The following SLC15A1 variants were observed in gnomAD, a reference collection of about 807,000 sequenced individuals.
The protein encoded by SLC15A1 is solute carrier family 15 member 1, also known as Caco-2 oligopeptide transporter.
In SLC15A1, 83 loss-of-function variants were observed where a neutral mutation model predicts 92.9. That is an observed-to-expected ratio of 0.89 (90% CI 0.75 to 1.07). The LOEUF is 1.07. SLC15A1 is among the 50% of genes least tolerant of loss of function. The probability of loss-of-function intolerance (pLI) is 0.00; values close to 1 mark genes in which losing one functional copy is unlikely to be tolerated. For synonymous variants in SLC15A1, 322 were observed against 318.2 expected (o/e 1.01, Z -0.13); for missense variants, 857 against 880.1 (o/e 0.97, Z 0.33).
chr13:98,725,456 G>A (rs1245550407), intron 4 of SLC15A1, among the ~76,000 whole-genome samples: 2 of 152,100 alleles, frequency 1.3e-5, no homozygotes, highest in Non-Finnish European at 2.9e-5. Context: ...CTCAAGCAGC[G>A]TGAGCCCCTC....
At chr13:98,750,593 T>G (rs1026791498) in intron 1 of SLC15A1, among the ~76,000 whole-genome samples, 3 of 152,152 alleles carry the variant, frequency 2.0e-5, no homozygotes, top group Admixed American at 6.6e-5. Flanking sequence ...GAAAATTTGC[T>G]CCAATTACAG....
chr13:98,748,881 C>G (rs1200527846), intron 1 of SLC15A1, among the ~76,000 whole-genome samples: 1 of 152,226 alleles, frequency 6.6e-6, no homozygotes. Context: ...TGCATGAGCT[C>G]TACCCTGCAC....
chr13:98,750,754 C>CT (rs375828538), intron 1 of SLC15A1, among the ~76,000 whole-genome samples: 2,639 of 141,738 alleles, frequency 0.019, 29 homozygotes, highest in Middle Eastern at 0.066. Flanking sequence ...AAGATCTGTT[C>CT]TTTTTTTTTT....
chr13:98,731,309 G>A (rs1297998977), intron 1 of SLC15A1, among the ~76,000 whole-genome samples: 1 of 152,222 alleles, frequency 6.6e-6, no homozygotes, highest in Non-Finnish European at 1.5e-5. Flanking sequence ...GCCAGTGTCC[G>A]GCGAATAGGA....
At chr13:98,752,441 G>C (rs915734669) in intron 1 of SLC15A1, among the ~76,000 whole-genome samples, 154 bp downstream of exon 1, 1 of 151,986 alleles carries the variant, frequency 6.6e-6, no homozygotes, top group Non-Finnish European at 1.5e-5. Flanking sequence ...AGGGGATCCC[G>C]GGCGCCCCGC....
chr13:98,696,593 C>T (rs1359508136), intron 18 of SLC15A1, among the ~76,000 whole-genome samples: 1 of 152,182 alleles, frequency 6.6e-6, no homozygotes, highest in Non-Finnish European at 1.5e-5. Context: ...TCCAGAGGTG[C>T]TTCCAGCTCA....
At chr13:98,743,289 C>A (rs1182022694) in intron 1 of SLC15A1, among the ~76,000 whole-genome samples, 2 of 152,180 alleles carry the variant, frequency 1.3e-5, no homozygotes. Flanking sequence ...GTTCAGATAT[C>A]CTCCTAGCTT....
intron 9 of SLC15A1, 28 bp downstream of exon 9, chr13:98,715,850 C>T (rs1450305167): frequency 1.5e-5 from 24 of 1,596,908 alleles, no homozygotes; most frequent in Non-Finnish European, 2.1e-5. Flanking sequence ...GTTAAATAGC[C>T]TTGAGAAAGA....
Position 98,687,689 on chromosome 13 carries a change from A to G in SLC15A1, c.1719T>C (p.Asp573=). The stretch of plus-strand genomic sequence containing the variant: ...CCATGTTAACTGTGTTGGCTGAAAT[A>G]TCTTCAAACACCTTCACTTCAGGGC... ...DSCPEVKVFE[D]ISANTVNMAL... Residue 573 remains aspartate (D), a synonymous_variant, in exon 21 of 23, where the codon GAT becomes GAC. Coordinates refer to ENST00000376503, the MANE Select transcript of SLC15A1 (RefSeq NM_005073.4). The G allele has an allele frequency of 6.2e-7, 1 of 1,614,206 alleles. No homozygotes were observed.
rs1340521628 is a variant in SLC15A1 at position 98,715,913 on chromosome 13, C to T, written c.688G>A (p.Gly230Ser). The T allele has an allele frequency of 1.2e-6, 2 of 1,613,990 alleles. No individual in the cohort carries two copies. Among genetic ancestry groups the T allele is most frequent in the Non-Finnish European group, 1.7e-6 (2 of 1,180,038 alleles). ...SGMYKKFKPQ[G>S]NIMGKVAKCI... ...TTGGCCACTTTACCCATGATGTTGC[C>T]CTGTGGCTTGAACTTCTTGTACATC... Residue 230 changes from glycine to serine, a missense_variant, in exon 9 of 23, where the codon GGC (glycine) becomes AGC (serine). Coordinates refer to ENST00000376503, the MANE Select transcript of SLC15A1 (RefSeq NM_005073.4).
chr13:98,703,749 G>T (rs1172916471), intron 17 of SLC15A1, among the ~76,000 whole-genome samples: 1 of 151,416 alleles, frequency 6.6e-6, no homozygotes, highest in African/African-American at 2.4e-5. Context: ...TAGAGACAGG[G>T]GTCTCACTGC....
chr13:98,694,164 T>C (rs1009679798), intron 18 of SLC15A1, among the ~76,000 whole-genome samples: 28 of 152,224 alleles, frequency 1.8e-4, no homozygotes, highest in African/African-American at 6.0e-4. Context: ...CATCAAATTA[T>C]GGTCAATTAT....
intron 18 of SLC15A1, among the ~76,000 whole-genome samples, chr13:98,689,704 C>A (rs566837628): frequency 6.6e-5 from 10 of 152,168 alleles, no homozygotes; most frequent in Non-Finnish European, 1.3e-4. Flanking sequence ...CCCTCCACAG[C>A]CTCCCAAAGC....
chr13:98,720,805 C>T (rs1246927212), intron 7 of SLC15A1: 1 of 292,290 alleles, frequency 3.4e-6, no homozygotes, highest in Non-Finnish European at 6.7e-6. Context: ...AATCCCAGCA[C>T]TTTGGGAGGC....
At chr13:98,692,542 G>C (rs1346543687) in intron 18 of SLC15A1, among the ~76,000 whole-genome samples, 2 of 152,068 alleles carry the variant, frequency 1.3e-5, no homozygotes, top group African/African-American at 4.8e-5. Context: ...TTTCCAGGTT[G>C]ATCCTCACAT....
intron 18 of SLC15A1, among the ~76,000 whole-genome samples, chr13:98,699,502 GT>G (rs553832964): frequency 7.0e-4 from 106 of 152,334 alleles, no homozygotes; most frequent in African/African-American, 2.4e-3. Flanking sequence ...AGTGGTGGGT[GT>G]TTATGCATCC....
chr13:98,729,708 G>A (rs777244000), intron 1 of SLC15A1, among the ~76,000 whole-genome samples: 1 of 152,106 alleles, frequency 6.6e-6, no homozygotes, highest in Non-Finnish European at 1.5e-5. Context: ...TTCATTATGT[G>A]CAAGTTCAAA....
chr13:98,715,390 G>A (rs1039191364), intron 9 of SLC15A1, among the ~76,000 whole-genome samples: 2 of 152,198 alleles, frequency 1.3e-5, no homozygotes, highest in African/African-American at 4.8e-5. Context: ...GGCCAGGCTG[G>A]CCTCGAAGTC....
intron 7 of SLC15A1, 67 bp downstream of exon 7, chr13:98,721,428 C>T (rs752603405): frequency 4.7e-5 from 52 of 1,099,694 alleles, no homozygotes; most frequent in Admixed American, 2.2e-4. Context: ...CAGAACAAAA[C>T]GAAGAAGACA....
Sources: gnomAD v4.1 joint callset for allele counts (sites outside exome capture counted in the v4.1 genomes callset) on GRCh38, gnomAD v4.1.1 for gene constraint, MANE v1.5 for transcripts, NCBI Gene and HGNC (gene_info 2026-07-23, HGNC 2026-07-21) for gene names.